GRK4: variants seen among roughly 807,000 people sequenced by gnomAD.
GRK4 encodes G protein-coupled receptor kinase 2-like.
Under a neutral mutation model 77.9 loss-of-function variants are expected in GRK4, and 73 were observed. The observed-to-expected ratio is 0.94, with a 90% CI of 0.78 to 1.14. The LOEUF (loss-of-function observed/expected upper bound fraction) is 1.14. Ranked by LOEUF, GRK4 falls within the 50% of genes most tolerant of loss-of-function variation. The pLI is 0.00. For synonymous variants in GRK4, 257 were observed against 254.4 expected, an observed-to-expected ratio of 1.01 and a Z score of -0.10; for missense variants, 729 against 700.2, an observed-to-expected ratio of 1.04 and a Z score of -0.46.
Position 3,013,730 on chromosome 4 carries a change from T to C in GRK4, c.643T>C (p.Cys215Arg), listed in dbSNP as rs35824641. 9.9e-6 allele frequency: 16 copies of C among 1,613,212 alleles called. No individual in the cohort carries two copies. The highest frequency in any genetic ancestry group is 1.2e-5 in the Non-Finnish European group (14 of 1,179,696). Residue 215 changes from cysteine (C) to arginine (R), a missense_variant, in exon 8 of 16, where the codon TGC becomes CGC. Transcript: ENST00000398052. ...QVRATGKMYACKKLQKKRIKK... is the reference protein window; with the variant it reads ...QVRATGKMYARKKLQKKRIKK... ...GCGAGCCACAGGAAAAATGTATGCC[T>C]GCAAAAAGCTACAAAAAAAAAGAAT...
chr4:3,007,909 T>G (rs1731778809), intron 6 of GRK4, 81 bp downstream of exon 6: 2 of 934,464 alleles, frequency 2.1e-6, no homozygotes, highest in Admixed American at 2.2e-5. Flanking sequence ...AGGCTGAGGC[T>G]GAAGGATTGC....
At chr4:3,020,005 G>A (rs1560472304) in intron 9 of GRK4, among the ~76,000 whole-genome samples, 174 bp downstream of exon 9, 1 of 151,902 alleles carries the variant, frequency 6.6e-6, no homozygotes, top group Non-Finnish European at 1.5e-5. Flanking sequence ...TGGCCAGTCA[G>A]AGGGCCCTGG....
chr4:3,013,545 C>A, intron 7 of GRK4, 143 bp from the exon 8 acceptor site: 2 of 915,920 alleles, frequency 2.2e-6, no homozygotes, highest in Non-Finnish European at 3.3e-6. Flanking sequence ...ACTGACGAAG[C>A]TCACCTTTGA....
rs752878384 is a variant in GRK4 at position 3,022,422 on chromosome 4, A to T, written c.941A>T (p.Lys314Met). Residue 314 changes from lysine (K) to methionine (M), a missense_variant, in exon 10 of 16, where the codon AAG becomes ATG. Coordinates refer to ENST00000398052, the MANE Select transcript of GRK4 (RefSeq NM_182982.3). ...QRERIVYRDLKPENILLDDRG... is the reference protein window; with the variant it reads ...QRERIVYRDLMPENILLDDRG... ...GTTGTTGTTTCTTGTAGAGACTTGA[A>T]GCCTGAGAATATTCTCCTTGATGAT... 2 of 1,613,950 alleles carry T rather than the reference A, an allele frequency of 1.2e-6. No individual in the cohort carries two copies. The highest frequency in any genetic ancestry group is 2.2e-5 in the South Asian group (2 of 90,992).
intron 12 of GRK4, among the ~76,000 whole-genome samples, chr4:3,030,967 G>A (rs1739004928): frequency 6.6e-6 from 1 of 152,212 alleles, no homozygotes; most frequent in Non-Finnish European, 1.5e-5. Flanking sequence ...CGATTCAGGT[G>A]AGAGTAAAGG....
At chr4:3,017,765 G>A (rs918487906) in intron 8 of GRK4, among the ~76,000 whole-genome samples, 1 of 152,220 alleles carries the variant, frequency 6.6e-6, no homozygotes, top group Non-Finnish European at 1.5e-5. Flanking sequence ...CTCAACAGCT[G>A]CAGGAAGAGC....
At chr4:3,037,601 CTG>C in intron 14 of GRK4, 90 bp downstream of exon 14, 6 of 1,283,574 alleles carry the variant, frequency 4.7e-6, no homozygotes, top group Admixed American at 2.1e-5. Flanking sequence ...GTGTGTGTGT[CTG>C]TGTGTATTTG....
intron 4 of GRK4, 45 bp downstream of exon 4, chr4:2,992,337 G>C: frequency 8.0e-7 from 1 of 1,253,742 alleles, no homozygotes; most frequent in Non-Finnish European, 1.2e-6. Context: ...TAAATAATTA[G>C]AGTGCATAGC....
At chr4:2,967,629 CCT>C (rs1718121747) in intron 1 of GRK4, among the ~76,000 whole-genome samples, 1 of 152,158 alleles carries the variant, frequency 6.6e-6, no homozygotes, top group Admixed American at 6.5e-5. Flanking sequence ...GAACTCCTGA[CCT>C]CAAGTGATTC....
intron 8 of GRK4, among the ~76,000 whole-genome samples, chr4:3,018,036 A>G (rs1183897824): frequency 1.3e-5 from 2 of 151,950 alleles, no homozygotes; most frequent in Admixed American, 6.5e-5. Context: ...AAAAGGTTAA[A>G]AAAAAGCCCT....
At chr4:2,992,418 G>T in intron 4 of GRK4, 126 bp downstream of exon 4, 1 of 593,918 alleles carries the variant, frequency 1.7e-6, no homozygotes. Context: ...GATGCCTGAC[G>T]CCTGTAATCC....
chr4:3,030,689 T>C (rs951483566), intron 12 of GRK4, among the ~76,000 whole-genome samples: 1 of 150,824 alleles, frequency 6.6e-6, no homozygotes, highest in African/African-American at 2.5e-5. Flanking sequence ...ACAGAGATTG[T>C]CTGCAATAGC....
chr4:2,967,012 G>A (rs1290834383), intron 1 of GRK4: 1 of 152,054 alleles, frequency 6.6e-6, no homozygotes, highest in Non-Finnish European at 1.5e-5. Flanking sequence ...GAGGTGATTG[G>A]GTCATGAGAG....
chr4:2,999,977 T>C (rs1421834857), intron 4 of GRK4, among the ~76,000 whole-genome samples: 1 of 152,160 alleles, frequency 6.6e-6, no homozygotes, highest in Non-Finnish European at 1.5e-5. Context: ...TAAATGTAAT[T>C]TTCAACACAG....
intron 13 of GRK4, among the ~76,000 whole-genome samples, chr4:3,036,404 G>A (rs188799221): frequency 2.0e-5 from 3 of 152,262 alleles, no homozygotes; most frequent in African/African-American, 7.2e-5. Context: ...GTGAAGAGCA[G>A]CTACTCTAAC....
chr4:3,040,459 T>C, intron 15 of GRK4, 113 bp from the exon 16 acceptor site: 1 of 699,450 alleles, frequency 1.4e-6, no homozygotes, highest in Non-Finnish European at 2.3e-6. Context: ...AATAAATAAA[T>C]AAAAAATAAA....
In GRK4 at chr4:2,963,992, G is replaced by A; in HGVS notation, c.-79G>A. On this transcript the variant is annotated 5_prime_UTR_variant, in exon 1 of 16. Transcript: ENST00000398052. ...TGGTGCCCGGCGAGCTATGCACGGGGGCGGCGGCGTCTCCTCCTGTTCCGC... is the reference window on the plus strand; with the variant it reads ...TGGTGCCCGGCGAGCTATGCACGGGAGCGGCGGCGTCTCCTCCTGTTCCGC... The A allele has an allele frequency of 1.5e-6, 2 of 1,291,798 alleles. No homozygotes were observed. Among genetic ancestry groups the A allele is most frequent in the African/African-American group, 1.4e-5 (1 of 69,042 alleles). 80.0% of individuals were successfully genotyped at this position (1,291,798 alleles called of 1,614,324 possible). A position where few individuals can be genotyped will look rare whatever the true frequency, so the allele number is the denominator to read the frequency against.
chr4:3,038,546 G>A (rs1489995041), intron 15 of GRK4, 33 bp downstream of exon 15: 1 of 1,458,006 alleles, frequency 6.9e-7, no homozygotes, highest in Admixed American at 2.3e-5. Context: ...ATATGTGTGT[G>A]TATGTGAAAA....
At chr4:3,020,824 A>AG (rs1735869833) in intron 9 of GRK4, among the ~76,000 whole-genome samples, 1 of 129,370 alleles carries the variant, frequency 7.7e-6, no homozygotes, top group African/African-American at 2.9e-5. Context: ...TATTCAGAAA[A>AG]AAAAGGATGC....
Sources: allele counts gnomAD v4.1 joint callset (sites outside exome capture counted in the v4.1 genomes callset), GRCh38; gene constraint gnomAD v4.1.1; transcripts MANE v1.5; gene names NCBI Gene and HGNC (gene_info 2026-07-23, HGNC 2026-07-21).